Variants in CHSY3 observed in about 807,000 individuals in gnomAD.
CHSY3 encodes N-acetylgalactosaminyl-proteoglycan 3-beta-glucuronosyltransferase 3.
In CHSY3, 35 loss-of-function variants were observed where a neutral mutation model predicts 67.2. That is an observed-to-expected ratio of 0.52 (90% CI 0.40 to 0.69). The LOEUF (loss-of-function observed/expected upper bound fraction) is 0.69. Ranked by LOEUF, CHSY3 falls within the 30% of genes least tolerant of loss-of-function variation. The pLI is 0.00. For missense variants in CHSY3, 1,069 were observed against 1,138.5 expected, an observed-to-expected ratio of 0.94 and a Z score of 0.88; for synonymous variants, 474 against 434.7, an observed-to-expected ratio of 1.09 and a Z score of -1.12.
chr5:130,160,895 A>T (rs777385831), intron 2 of CHSY3, among the ~76,000 whole-genome samples: 2,136 of 142,340 alleles, frequency 0.015, 25 homozygotes, highest in Non-Finnish European at 0.022. Context: ...TTATTTATTT[A>T]TTTTTTTTTT....
At chr5:130,149,434 G>A (rs1427703125) in intron 2 of CHSY3, among the ~76,000 whole-genome samples, 1 of 152,158 alleles carries the variant, frequency 6.6e-6, no homozygotes, top group Non-Finnish European at 1.5e-5. Context: ...GCAGGAGCAA[G>A]AGAGAATGGG....
intron 2 of CHSY3, among the ~76,000 whole-genome samples, chr5:130,022,058 T>C (rs569661544): frequency 6.6e-6 from 1 of 152,218 alleles, no homozygotes; most frequent in South Asian, 2.1e-4. Flanking sequence ...TTCTTCTGTG[T>C]TCTGAAAGGC....
chr5:130,114,960 A>G (rs1421540292), intron 2 of CHSY3, among the ~76,000 whole-genome samples: 1 of 152,158 alleles, frequency 6.6e-6, no homozygotes, highest in Admixed American at 6.5e-5. Context: ...TAGGTCTTTA[A>G]CTATTAATGG....
chr5:129,989,598 C>G (rs1763301791), intron 2 of CHSY3, among the ~76,000 whole-genome samples: 1 of 152,158 alleles, frequency 6.6e-6, no homozygotes, highest in African/African-American at 2.4e-5. Flanking sequence ...CTTCAAAGGA[C>G]ACTTTCAGAC....
intron 1 of CHSY3, among the ~76,000 whole-genome samples, chr5:129,906,700 C>T (rs1760316072): frequency 6.6e-6 from 1 of 152,144 alleles, no homozygotes; most frequent in Non-Finnish European, 1.5e-5. Context: ...CAGGGTTGTA[C>T]CGAATGAGGT....
At chr5:130,024,288 T>TGATATAATCTAATTTAAATGA (rs1289201581) in intron 2 of CHSY3, among the ~76,000 whole-genome samples, 1 of 152,068 alleles carries the variant, frequency 6.6e-6, no homozygotes, top group African/African-American at 2.4e-5. Flanking sequence ...TTTCCATTAT[T>TGATATAATCTAATTTAAATGA]GATATAATCT....
chr5:129,996,830 A>G (rs1045641201), intron 2 of CHSY3, among the ~76,000 whole-genome samples: 11 of 152,142 alleles, frequency 7.2e-5, no homozygotes, highest in Admixed American at 7.2e-4. Context: ...TCATATTTGT[A>G]ACAACCTAAT....
At chr5:130,132,165 C>T (rs969767421) in intron 2 of CHSY3, among the ~76,000 whole-genome samples, 1 of 152,170 alleles carries the variant, frequency 6.6e-6, no homozygotes, top group African/African-American at 2.4e-5. Context: ...GAGGCATAGA[C>T]ATATTTACTC....
chr5:130,149,802 A>G (rs1580782736), intron 2 of CHSY3, among the ~76,000 whole-genome samples: 1 of 152,002 alleles, frequency 6.6e-6, no homozygotes, highest in East Asian at 1.9e-4. Flanking sequence ...GTTGGTTAAA[A>G]CACCAGTATC....
intron 2 of CHSY3, among the ~76,000 whole-genome samples, chr5:130,082,134 G>A (rs1199357229): frequency 6.6e-5 from 10 of 151,992 alleles, no homozygotes; most frequent in South Asian, 2.1e-4. Context: ...AGGTTAACCA[G>A]AACCCAAATG....
chr5:130,074,651 G>T (rs1305561244), intron 2 of CHSY3, among the ~76,000 whole-genome samples: 1 of 152,078 alleles, frequency 6.6e-6, no homozygotes, highest in Non-Finnish European at 1.5e-5. Context: ...GAAAATAGGG[G>T]ACAGTTTTCT....
In CHSY3 at chr5:130,026,223, T is replaced by C. The variant is rs1006345688; in HGVS notation, c.1086+117863T>C. 6.8e-4 allele frequency among the ~76,000 whole-genome samples: 103 copies of C among 152,302 alleles called. 1 individual carries two copies. Among genetic ancestry groups the C allele is most frequent in the Non-Finnish European group, 1.3e-3 (86 of 68,026 alleles). On this transcript the variant is annotated intron_variant, in intron 2 of 2. Coordinates refer to ENST00000305031, the MANE Select transcript of CHSY3 (RefSeq NM_175856.5). ...CCATGGATTCCTTAGCAGTTTCTTA[T>C]AGCATTCATAGATTGAAATGACTAT...
At chr5:130,153,251 T>C (rs1437207406) in intron 2 of CHSY3, among the ~76,000 whole-genome samples, 1 of 151,824 alleles carries the variant, frequency 6.6e-6, no homozygotes, top group Non-Finnish European at 1.5e-5. Flanking sequence ...TAAAATAAAA[T>C]TTAGAGTCCT....
intron 2 of CHSY3, among the ~76,000 whole-genome samples, chr5:129,951,678 T>A (rs1762028034): frequency 6.6e-6 from 1 of 152,176 alleles, no homozygotes; most frequent in South Asian, 2.1e-4. Context: ...CCATTGTCTC[T>A]CCATGTGGAC....
chr5:129,905,878 T>C, intron 1 of CHSY3: 1 of 816,664 alleles, frequency 1.2e-6, no homozygotes, highest in Non-Finnish European at 1.8e-6. Flanking sequence ...CTTGCTGTTT[T>C]CGGTGCCGCC....
chr5:130,009,306 C>G (rs1763976774), intron 2 of CHSY3, among the ~76,000 whole-genome samples: 1 of 152,034 alleles, frequency 6.6e-6, no homozygotes, highest in African/African-American at 2.4e-5. Context: ...GATTGGGAGC[C>G]TATATTCAGC....
At chr5:130,029,144 A>C (rs1764639886) in intron 2 of CHSY3, among the ~76,000 whole-genome samples, 1 of 152,072 alleles carries the variant, frequency 6.6e-6, no homozygotes, top group Non-Finnish European at 1.5e-5. Context: ...CCCAATCGTC[A>C]CAGAAGTGAG....
intron 2 of CHSY3, among the ~76,000 whole-genome samples, chr5:130,136,117 G>A (rs1768652062): frequency 6.6e-6 from 1 of 152,196 alleles, no homozygotes; most frequent in Admixed American, 6.5e-5. Flanking sequence ...AAATCCAGAA[G>A]AGGTTATCTA....
chr5:130,067,192 A>G lies in CHSY3; in HGVS notation c.1087-117037A>G, dbSNP rs142993022. ...TAACAGTGAAATAGCTCTCTTCCTG[A>G]AGCCCTCTCTAATTCCACTGACCAA... On this transcript the variant is annotated intron_variant, in intron 2 of 2. Coordinates refer to ENST00000305031, the MANE Select transcript of CHSY3 (RefSeq NM_175856.5). Among the ~76,000 whole-genome samples the G allele has an allele frequency of 3.1e-3, 476 of 152,256 alleles. 3 individuals are homozygous for G. Among genetic ancestry groups the G allele is most frequent in the African/African-American group, 0.01 (419 of 41,558 alleles).
Sources: allele counts gnomAD v4.1 joint callset (sites outside exome capture counted in the v4.1 genomes callset), GRCh38; gene constraint gnomAD v4.1.1; transcripts MANE v1.5; gene names NCBI Gene and HGNC (gene_info 2026-07-23, HGNC 2026-07-21).